Variants in FCHO1 observed in about 807,000 individuals in gnomAD.
The protein encoded by FCHO1 is FCH and mu domain containing endocytic adaptor 1.
Under a neutral mutation model 114.4 loss-of-function variants are expected in FCHO1, and 45 were observed. The observed-to-expected ratio is 0.39, with a 90% CI of 0.31 to 0.50. The LOEUF is 0.50. FCHO1 is among the 20% of genes least tolerant of loss of function. The pLI, the probability that FCHO1 is intolerant of heterozygous loss-of-function variation, is 0.77. For synonymous variants in FCHO1, 480 were observed against 488.9 expected (o/e 0.98, Z 0.24); for missense variants, 1,042 against 1,209.6 (o/e 0.86, Z 2.06).
At position 17,784,582 on chromosome 19, in the gene FCHO1, C is replaced by T; in HGVS notation, c.2227-143C>T. ...CTGCTGGAAACCTGGTGTAATACAG[C>T]CTCTCATCCATCAAATCTCCCTGTG... On this transcript the variant is annotated intron_variant, in intron 25 of 28. Transcript: ENST00000596536. This position sits in a 1 kb window ranked among gnomAD's most constrained non-coding sequence, Gnocchi z 5.3. 1 of 809,058 alleles carries T rather than the reference C, an allele frequency of 1.2e-6. No homozygotes were observed. Among genetic ancestry groups the T allele is most frequent in the South Asian group, 1.5e-5 (1 of 67,086 alleles). 50.1% of individuals were successfully genotyped at this position (809,058 alleles called of 1,614,324 possible).
At chr19:17,782,072 C>T (rs893082169) in intron 23 of FCHO1, among the ~76,000 whole-genome samples, 16 of 147,310 alleles carry the variant, frequency 1.1e-4, no homozygotes, top group African/African-American at 3.8e-4. Flanking sequence ...TGCAATCTCG[C>T]AATCTCAGCT....
intron 4 of FCHO1, among the ~76,000 whole-genome samples, chr19:17,761,686 G>A (rs1312768449): frequency 1.3e-5 from 2 of 150,162 alleles, no homozygotes; most frequent in East Asian, 3.9e-4. Context: ...CTGAGACGGA[G>A]TCTTCCTCTG....
rs764723340 is a variant in FCHO1, at chr19:17,784,946, A to C, written c.2426+22A>C. The C allele has an allele frequency of 1.2e-6, 2 of 1,604,316 alleles. No individual in the cohort carries two copies. The highest frequency in any genetic ancestry group is 3.3e-5 in the Admixed American group (2 of 59,990). On this transcript the variant is annotated intron_variant, in intron 26 of 28. Transcript: ENST00000596536. This position sits in a 1 kb window ranked among gnomAD's most constrained non-coding sequence, Gnocchi z 5.3. ...CCTGGTGAGGGCTTGCGGGAGGCCA[A>C]GGAAAACTCAGCAGTTTCCCCCATA...
At chr19:17,762,542 G>A (rs2086733173) in intron 4 of FCHO1, among the ~76,000 whole-genome samples, 1 of 152,004 alleles carries the variant, frequency 6.6e-6, no homozygotes, top group South Asian at 2.1e-4. Flanking sequence ...AGCAACTATA[G>A]GACAAAAAGA....
chr19:17,773,430 C>T (rs1219139292), intron 11 of FCHO1, among the ~76,000 whole-genome samples: 2 of 152,234 alleles, frequency 1.3e-5, no homozygotes, highest in East Asian at 3.8e-4. Flanking sequence ...AAAACCTGTT[C>T]TTTCTCCCTC....
chr19:17,773,763 T>C (rs2092141209), intron 11 of FCHO1, among the ~76,000 whole-genome samples: 1 of 152,136 alleles, frequency 6.6e-6, no homozygotes, highest in Non-Finnish European at 1.5e-5. Context: ...CCACTTCTGA[T>C]GATGTGGGGC....
chr19:17,752,121 G>A (rs1308398197), intron 1 of FCHO1, among the ~76,000 whole-genome samples: 1 of 152,168 alleles, frequency 6.6e-6, no homozygotes, highest in African/African-American at 2.4e-5. Context: ...TGGTTCCTGG[G>A]ATCTTCTAGA....
chr19:17,778,066 G>T, intron 18 of FCHO1, 71 bp from the exon 19 acceptor site: 3 of 1,084,622 alleles, frequency 2.8e-6, no homozygotes, highest in African/African-American at 1.6e-5. Context: ...GGAACAGCAT[G>T]TGCAAAGGCC....
At chr19:17,754,934 C>T (rs991548366) in intron 3 of FCHO1, 184 bp from the exon 4 acceptor site, 1 of 564,266 alleles carries the variant, frequency 1.8e-6, no homozygotes, top group African/African-American at 1.9e-5. Context: ...CTGTCCCCCT[C>T]TACTGGAGCT....
At chr19:17,751,120 G>A (rs1442380781), upstream of FCHO1, among the ~76,000 whole-genome samples, 1 of 152,100 alleles carries the variant, frequency 6.6e-6, no homozygotes, top group Admixed American at 6.6e-5. This position sits in a 1 kb window ranked among gnomAD's most constrained non-coding sequence, Gnocchi z 4.4. Context: ...GATTACAGGC[G>A]TGAGCCACCG....
At position 17,770,503 on chromosome 19, in the gene FCHO1, G is replaced by A; in HGVS notation, c.415G>A (p.Glu139Lys). The A allele has an allele frequency of 3.1e-6, 5 of 1,613,976 alleles. No homozygotes were observed. The highest frequency in any genetic ancestry group is 1.1e-5 in the South Asian group (1 of 91,078). The change falls in exon 8 of 29, where the codon GAG (glutamate) becomes AAG (lysine). Residue 139 changes from glutamate to lysine, a missense_variant. Glu to Lys is a moderately conservative substitution (Grantham distance 56, BLOSUM62 1). This residue lies in a region of FCHO1 where 450 missense variants were observed against 564.1 expected (regional missense o/e 0.80). Transcript: ENST00000596536. ...CAGCCAGCTCCTGCCCAAGTCCCGC[G>A]AGAACTACCTGAACCGTTGCATGGA... ...GVSQLLPKSR[E>K]NYLNRCMDQE...
Position 17,766,794 on chromosome 19 carries a change from T to G in FCHO1, c.320T>G (p.Leu107Arg), listed in dbSNP as rs1365077838. Residue 107 changes from leucine (L) to arginine (R), a missense_variant, in exon 7 of 29, where the codon CTC (leucine) becomes CGC (arginine). This residue lies in a region of FCHO1 where 450 missense variants were observed against 564.1 expected (regional missense o/e 0.80). Coordinates refer to ENST00000596536, the MANE Select transcript of FCHO1 (RefSeq NM_015122.3). ...KDVLRYGEEQ[L>R]KTHKKCKEEV... is the part of the protein sequence containing the mutation. The stretch of plus-strand genomic sequence containing the variant: ...GTTCTCCGCTACGGCGAGGAACAGC[T>G]CAAGACCCACAAGAAGGTGTGTGTC... The G allele has an allele frequency of 2.5e-6, 4 of 1,613,944 alleles. No homozygotes were observed. The highest frequency in any genetic ancestry group is 2.5e-6 in the Non-Finnish European group (3 of 1,179,928).
chr19:17,760,066 T>C (rs1293229002), intron 4 of FCHO1, among the ~76,000 whole-genome samples: 2 of 148,700 alleles, frequency 1.3e-5, no homozygotes, highest in African/African-American at 2.5e-5. Context: ...TTTTTTTGCA[T>C]TGGGGGACAG....
At chr19:17,787,557 G>T in intron 27 of FCHO1, 125 bp from the exon 28 acceptor site, 1 of 1,060,368 alleles carries the variant, frequency 9.4e-7, no homozygotes, top group Non-Finnish European at 1.3e-6. Flanking sequence ...GGGATCAAAG[G>T]GAGGTCTGAT....
At chr19:17,778,033 C>T (rs945817347) in intron 18 of FCHO1, 104 bp from the exon 19 acceptor site, 55 of 739,386 alleles carry the variant, frequency 7.4e-5, no homozygotes, top group Non-Finnish European at 1.1e-4. Flanking sequence ...AGCAAGACTC[C>T]GTCTCAAAAA....
chr19:17,787,960 G>C, intron 28 of FCHO1, 114 bp downstream of exon 28: 1 of 1,335,716 alleles, frequency 7.5e-7, no homozygotes, highest in Non-Finnish European at 1.0e-6. Context: ...ATAGGTGGGT[G>C]TTGGGGCCAG....
In FCHO1 at chr19:17,781,552, G is replaced by A. The variant is rs771421258; in HGVS notation, c.1828+13G>A. On this transcript the variant is annotated intron_variant, in intron 22 of 28. Coordinates refer to ENST00000596536, the MANE Select transcript of FCHO1 (RefSeq NM_015122.3). ...CAGACAGGACACGGTATGTGAGGGC[G>A]GTCCTGGGCCTGGCTTTGGGCCTCA... 27 of 1,613,326 alleles carry A rather than the reference G, an allele frequency of 1.7e-5. No homozygotes were observed. The East Asian group carries it at 2.0e-4, about 12-fold the overall frequency.
At chr19:17,749,071 G>A (rs991712260), upstream of FCHO1, among the ~76,000 whole-genome samples, 1 of 152,222 alleles carries the variant, frequency 6.6e-6, no homozygotes, top group Middle Eastern at 3.4e-3. Context: ...ATGGGGCATC[G>A]CCACCCTGGT....
Position 17,761,969 on chromosome 19 carries a change from TTTCA to T in FCHO1, c.28-766_28-763del, listed in dbSNP as rs111716506. On this transcript the variant is annotated intron_variant, in intron 4 of 28. Coordinates refer to ENST00000596536, the MANE Select transcript of FCHO1 (RefSeq NM_015122.3). ...CCACTCCAATTTATTTTTATTTTTA[TTTCA>T]TTCATTCATTCATTCATTCATTCAT... is the stretch of plus-strand genomic sequence containing the variant. Among the ~76,000 whole-genome samples the T allele has an allele frequency of 6.3e-4, 94 of 148,236 alleles. 2 individuals are homozygous for T. Among genetic ancestry groups the T allele is most frequent in the Admixed American group, 4.0e-3 (59 of 14,642 alleles).
Sources: gnomAD v4.1 joint callset for allele counts (sites outside exome capture counted in the v4.1 genomes callset) on GRCh38, gnomAD v4.1.1 for gene constraint, gnomAD v4.1.1 regional missense constraint, Gnocchi (gnomAD v3.1) non-coding constraint, MANE v1.5 for transcripts, NCBI Gene and HGNC (gene_info 2026-07-23, HGNC 2026-07-21) for gene names.